MED12L: variants seen among roughly 807,000 people sequenced by gnomAD.
MED12L encodes the protein mediator complex subunit 12L.
Under a neutral mutation model 281.3 loss-of-function variants are expected in MED12L, and 60 were observed. The observed-to-expected ratio is 0.21, with a 90% CI of 0.17 to 0.26. The LOEUF (loss-of-function observed/expected upper bound fraction) is 0.26. Among genes scored for constraint, MED12L ranks in the 10% least tolerant of loss-of-function variants. The pLI is 1.00. For synonymous variants in MED12L, 974 were observed against 987.2 expected (o/e 0.99, Z 0.25); for missense variants, 2,146 against 2,680.9 (o/e 0.80, Z 4.41).
At chr3:151,220,973 G>T (rs1269542841) in intron 16 of MED12L, among the ~76,000 whole-genome samples, 1 of 152,194 alleles carries the variant, frequency 6.6e-6, no homozygotes, top group East Asian at 1.9e-4. Flanking sequence ...CTAGAGACTT[G>T]TTGAATGCCT....
intron 4 of MED12L, among the ~76,000 whole-genome samples, chr3:151,126,342 C>T (rs1368186283): frequency 6.6e-6 from 1 of 152,160 alleles, no homozygotes; most frequent in Non-Finnish European, 1.5e-5. Flanking sequence ...CCGTGCAGGG[C>T]CTATATGCTG....
intron 32 of MED12L, among the ~76,000 whole-genome samples, chr3:151,382,327 T>G (rs942924723): frequency 5.3e-5 from 8 of 152,220 alleles, no homozygotes; most frequent in Non-Finnish European, 1.0e-4. Flanking sequence ...CTCCAGTGTT[T>G]TTCTTCGTAA....
chr3:151,290,658 A>G (rs956300933), intron 16 of MED12L, among the ~76,000 whole-genome samples: 7 of 151,410 alleles, frequency 4.6e-5, no homozygotes, highest in African/African-American at 1.7e-4. Context: ...TTACATCTGT[A>G]ACAAAACTTC....
intron 16 of MED12L, among the ~76,000 whole-genome samples, chr3:151,259,620 T>C (rs1738486627): frequency 6.6e-6 from 1 of 152,210 alleles, no homozygotes. Flanking sequence ...TTCATAAACA[T>C]CTGAAAATGA....
At chr3:151,114,949 C>G (rs1052401664) in intron 2 of MED12L, among the ~76,000 whole-genome samples, 3 of 152,048 alleles carry the variant, frequency 2.0e-5, no homozygotes, top group African/African-American at 7.2e-5. Flanking sequence ...TCTTCCTAGT[C>G]TAGGATTTAG....
chr3:151,097,023 ATGCATTTTTGTCAT>A (rs1190701415), intron 2 of MED12L, among the ~76,000 whole-genome samples: 1 of 152,198 alleles, frequency 6.6e-6, no homozygotes, highest in Non-Finnish European at 1.5e-5. Flanking sequence ...TCAGAAGCTC[ATGCATTTTTGTCAT>A]TGTGTTTTTT....
chr3:151,387,906 G>A lies in MED12L; in HGVS notation c.5185G>A (p.Val1729Ile), dbSNP rs564510830. ...TTTGTCCTGGGCCTGGTTTGGGACA[G>A]TCCGAGTGGACCGAAGAGTGATCAA... Reference protein sequence around the residue: ...APLSWAWFGTVRVDRRVIKYE... With the variant: ...APLSWAWFGTIRVDRRVIKYE... The change falls in exon 37 of 45, where the codon GTC becomes ATC. Residue 1729 changes from valine (V) to isoleucine (I), a missense_variant. Physicochemically the swap from Val to Ile is conservative, Grantham distance 29 (BLOSUM62 3). Around this residue, in one of 9 missense-constraint regions of MED12L, gnomAD observed 212 missense variants for 340.8 expected, o/e 0.62. Coordinates refer to ENST00000687756, the MANE Select transcript of MED12L (RefSeq NM_001393769.1). 85 of 1,614,012 alleles carry A rather than the reference G, an allele frequency of 5.3e-5. No individual in the cohort carries two copies. The highest frequency in any genetic ancestry group is 1.6e-4 in the Middle Eastern group (1 of 6,084).
chr3:151,379,823 A>G (rs1269383077), intron 31 of MED12L, among the ~76,000 whole-genome samples: 4 of 152,212 alleles, frequency 2.6e-5, no homozygotes, highest in Non-Finnish European at 5.9e-5. Flanking sequence ...TTGATGTAGA[A>G]GATGAATTCA....
At chr3:151,417,474 G>GCCCCCCCC (rs1156744063) in intron 43 of MED12L, among the ~76,000 whole-genome samples, 1 of 69,130 alleles carries the variant, frequency 1.4e-5, no homozygotes, top group African/African-American at 6.3e-5. Flanking sequence ...CGCTCCCCCA[G>GCCCCCCCC]CTCCCCCCCC....
intron 3 of MED12L, among the ~76,000 whole-genome samples, chr3:151,122,404 TCTC>T (rs1713890438): frequency 6.6e-6 from 1 of 152,222 alleles, no homozygotes; most frequent in African/African-American, 2.4e-5. Context: ...TACTAGGCTT[TCTC>T]CTCTCAGGGA....
intron 43 of MED12L, among the ~76,000 whole-genome samples, chr3:151,428,882 ATTGT>A (rs1353824400): frequency 1.3e-5 from 2 of 152,188 alleles, no homozygotes; most frequent in African/African-American, 4.8e-5. Context: ...CTAAAACATT[ATTGT>A]TTATTTGAAA....
At chr3:151,387,780 G>C in intron 36 of MED12L, 30 bp from the exon 37 acceptor site, 1 of 1,571,416 alleles carries the variant, frequency 6.4e-7, no homozygotes, top group Middle Eastern at 2.0e-4. Flanking sequence ...AGATCTGAGT[G>C]TGCTATCTTA....
intron 12 of MED12L, among the ~76,000 whole-genome samples, chr3:151,186,167 T>C (rs1336402315): frequency 6.6e-6 from 1 of 152,210 alleles, no homozygotes; most frequent in Non-Finnish European, 1.5e-5. Flanking sequence ...AAAACTAAGT[T>C]CATCAACATT....
chr3:151,169,933 G>T (rs1183058089), intron 11 of MED12L, among the ~76,000 whole-genome samples: 4 of 152,210 alleles, frequency 2.6e-5, no homozygotes, highest in Non-Finnish European at 4.4e-5. Context: ...CTTCACATCT[G>T]TTGGGAAAAC....
At chr3:151,357,641 T>C (rs1301428654) in intron 20 of MED12L, among the ~76,000 whole-genome samples, 1 of 152,212 alleles carries the variant, frequency 6.6e-6, no homozygotes, top group African/African-American at 2.4e-5. Context: ...TAGTCATTTA[T>C]AGCACTCTAC....
At chr3:151,385,281 T>C in intron 36 of MED12L, 90 bp downstream of exon 36, 1 of 746,656 alleles carries the variant, frequency 1.3e-6, no homozygotes, top group Non-Finnish European at 2.1e-6. Flanking sequence ...ATAAAATATA[T>C]TAATTTTGCT....
chr3:151,259,531 G>T (rs931543791), intron 16 of MED12L, among the ~76,000 whole-genome samples: 2 of 152,158 alleles, frequency 1.3e-5, no homozygotes, highest in African/African-American at 4.8e-5. Flanking sequence ...TGGGGTATGT[G>T]TTCACCCTAA....
intron 5 of MED12L, among the ~76,000 whole-genome samples, chr3:151,143,414 A>G (rs771722969): frequency 5.9e-5 from 9 of 152,244 alleles, no homozygotes; most frequent in Non-Finnish European, 1.0e-4. Flanking sequence ...CAAAGTGAAA[A>G]AAGAAAATGT....
intron 2 of MED12L, among the ~76,000 whole-genome samples, chr3:151,091,016 G>A (rs1719972777): frequency 1.3e-5 from 2 of 152,148 alleles, no homozygotes; most frequent in Non-Finnish European, 2.9e-5. Context: ...ACTCCAGCCT[G>A]GGGGACAGAG....
Sources: allele counts gnomAD v4.1 joint callset (sites outside exome capture counted in the v4.1 genomes callset), GRCh38; gene constraint gnomAD v4.1.1; regional missense constraint gnomAD v4.1.1; transcripts MANE v1.5; gene names NCBI Gene and HGNC (gene_info 2026-07-23, HGNC 2026-07-21).